Variants in BST1 observed in about 807,000 individuals in gnomAD.
The protein encoded by BST1 is ADP-ribosyl cyclase/cyclic ADP-ribose hydrolase 2.
Under a neutral mutation model 40.6 loss-of-function variants are expected in BST1, and 49 were observed. The observed-to-expected ratio is 1.21, with a 90% CI of 0.96 to 1.53. The LOEUF (loss-of-function observed/expected upper bound fraction) is 1.53. BST1 is among the 40% of genes most tolerant of loss of function. The pLI, the probability that BST1 is intolerant of heterozygous loss-of-function variation, is 0.00. For missense variants in BST1, 423 were observed against 395.9 expected, an observed-to-expected ratio of 1.07 and a Z score of -0.58; for synonymous variants, 157 against 159.3, an observed-to-expected ratio of 0.99 and a Z score of 0.11.
intron 2 of BST1, among the ~76,000 whole-genome samples, chr4:15,706,663 A>G (rs1225429860): frequency 6.6e-6 from 1 of 152,224 alleles, no homozygotes; most frequent in African/African-American, 2.4e-5. Flanking sequence ...AGGCAAGTAA[A>G]TGGAACTGTG....
chr4:15,772,917 G>A, the BST1 span, among the ~76,000 whole-genome samples: 6 of 152,234 alleles, frequency 3.9e-5, no homozygotes, highest in East Asian at 7.7e-4. Context: ...ATGGAGGCTG[G>A]AGAAGCAGAC....
chr4:15,772,648 C>A, the BST1 span, among the ~76,000 whole-genome samples: 1 of 152,210 alleles, frequency 6.6e-6, no homozygotes, highest in African/African-American at 2.4e-5. Context: ...CTGTTGGCAT[C>A]TATGTTATTC....
chr4:15,739,906 A>G (rs1359778015), downstream of BST1, among the ~76,000 whole-genome samples: 2 of 152,022 alleles, frequency 1.3e-5, no homozygotes, highest in African/African-American at 4.8e-5. Context: ...AGAGAAAAGG[A>G]GAGGGAGACA....
the BST1 span, among the ~76,000 whole-genome samples, chr4:15,758,854 C>A: frequency 6.6e-6 from 1 of 152,080 alleles, no homozygotes; most frequent in Non-Finnish European, 1.5e-5. Flanking sequence ...CAATGCCTAC[C>A]TATTTCTATG....
Position 15,731,753 on chromosome 4 carries a change from A to G in BST1, c.865A>G (p.Thr289Ala), listed in dbSNP as rs749458163. ...DCALKSAAAA[T>A]QRKAPSLYTE... Reference sequence around the variant, plus strand: ...GTTAATTTGCAGGGCAGCAGCCGCTACTCAAAGAAAAGCCCCAAGTCTTTA... The same window carrying G: ...GTTAATTTGCAGGGCAGCAGCCGCTGCTCAAAGAAAAGCCCCAAGTCTTTA... Residue 289 changes from threonine (T) to alanine (A), a missense_variant, in exon 9 of 9, where the codon ACT becomes GCT. Coordinates refer to ENST00000265016, the MANE Select transcript of BST1 (RefSeq NM_004334.3). 1.9e-6 allele frequency: 3 copies of G among 1,612,986 alleles called. No homozygotes were observed. The highest frequency in any genetic ancestry group is 2.2e-5 in the South Asian group (2 of 90,718).
At chr4:15,707,473 C>T (rs756504093) in intron 2 of BST1, 38 bp from the exon 3 acceptor site, 25 of 1,565,186 alleles carry the variant, frequency 1.6e-5, no homozygotes, top group Non-Finnish European at 2.2e-5. Context: ...GGTTTTGATT[C>T]TGTTTTGTAT....
chr4:15,728,361 T>C (rs1308600597), intron 8 of BST1, among the ~76,000 whole-genome samples: 1 of 152,138 alleles, frequency 6.6e-6, no homozygotes, highest in Non-Finnish European at 1.5e-5. Flanking sequence ...ATTGGCAATA[T>C]TTTAGAGAAT....
chr4:15,745,292 A>G, the BST1 span, among the ~76,000 whole-genome samples: 1 of 152,194 alleles, frequency 6.6e-6, no homozygotes, highest in Non-Finnish European at 1.5e-5. Flanking sequence ...TGACACCAAT[A>G]TTTTCTTGCA....
intron 8 of BST1, among the ~76,000 whole-genome samples, chr4:15,730,666 T>C (rs1165759588): frequency 6.6e-6 from 1 of 152,164 alleles, no homozygotes; most frequent in African/African-American, 2.4e-5. Flanking sequence ...TAGAGAAGCT[T>C]TTTGCTCAGG....
chr4:15,706,121 C>T (rs1719871817), intron 2 of BST1, among the ~76,000 whole-genome samples: 1 of 152,234 alleles, frequency 6.6e-6, no homozygotes, highest in Non-Finnish European at 1.5e-5. Context: ...AATCACCTCA[C>T]ACCAGGCCCC....
downstream of BST1, among the ~76,000 whole-genome samples, chr4:15,739,214 T>G (rs1158409115): frequency 6.6e-6 from 1 of 152,230 alleles, no homozygotes; most frequent in Non-Finnish European, 1.5e-5. Context: ...ATGAAGCAGG[T>G]TGGAAAATCT....
At chr4:15,758,854 C>T in the BST1 span, among the ~76,000 whole-genome samples, 14 of 152,080 alleles carry the variant, frequency 9.2e-5, no homozygotes, top group South Asian at 2.1e-4. Context: ...CAATGCCTAC[C>T]TATTTCTATG....
At chr4:15,752,931 T>G in the BST1 span, among the ~76,000 whole-genome samples, 1 of 152,078 alleles carries the variant, frequency 6.6e-6, no homozygotes, top group African/African-American at 2.4e-5. Context: ...TATAAATCAC[T>G]AAGAAGATAT....
intron 3 of BST1, among the ~76,000 whole-genome samples, chr4:15,709,702 A>T (rs1720080857): frequency 6.6e-6 from 1 of 152,226 alleles, no homozygotes; most frequent in Non-Finnish European, 1.5e-5. Context: ...AGTTCAGGTC[A>T]GCTAAATAAC....
At chr4:15,740,755 G>A (rs1721723062), downstream of BST1, among the ~76,000 whole-genome samples, 2 of 152,056 alleles carry the variant, frequency 1.3e-5, no homozygotes, top group Admixed American at 1.3e-4. Flanking sequence ...AGCAACAGAG[G>A]CTGGAGCATT....
At chr4:15,735,240 G>T (rs1449496963), downstream of BST1, among the ~76,000 whole-genome samples, 1 of 152,112 alleles carries the variant, frequency 6.6e-6, no homozygotes, top group East Asian at 1.9e-4. Context: ...AAAAAGCAAA[G>T]AATTCCCTAA....
chr4:15,746,600 G>T, the BST1 span, among the ~76,000 whole-genome samples: 1 of 152,280 alleles, frequency 6.6e-6, no homozygotes, highest in East Asian at 1.9e-4. Context: ...ATCCCTTCAT[G>T]AAGGCTCTGC....
chr4:15,716,186 G>A (rs1022947402), intron 6 of BST1, among the ~76,000 whole-genome samples: 1 of 152,106 alleles, frequency 6.6e-6, no homozygotes, highest in Non-Finnish European at 1.5e-5. Context: ...TAATTAAGAC[G>A]TCATTCTCAG....
intron 6 of BST1, among the ~76,000 whole-genome samples, 194 bp downstream of exon 6, chr4:15,715,993 C>G (rs1720495426): frequency 6.6e-6 from 1 of 152,204 alleles, no homozygotes; most frequent in Admixed American, 6.5e-5. Flanking sequence ...AGAGAGAAAG[C>G]CTCCTTTATC....
Sources: gnomAD v4.1 joint callset for allele counts (sites outside exome capture counted in the v4.1 genomes callset) on GRCh38, gnomAD v4.1.1 for gene constraint, MANE v1.5 for transcripts, NCBI Gene and HGNC (gene_info 2026-07-23, HGNC 2026-07-21) for gene names.